Variants in HOMER1 observed in about 807,000 individuals in gnomAD.
The protein encoded by HOMER1 is homer scaffold protein 1.
HOMER1 carries 3 observed loss-of-function variants against 48.9 expected under a neutral mutation model. The ratio of observed to expected loss-of-function variants is 0.06; its 90% CI spans 0.03 to 0.16. The LOEUF is 0.16. Among genes scored for constraint, HOMER1 ranks in the 10% least tolerant of loss-of-function variants. The pLI, the probability that HOMER1 is intolerant of heterozygous loss-of-function variation, is 1.00. For missense variants in HOMER1, 247 were observed against 411.4 expected, an observed-to-expected ratio of 0.60 and a Z score of 3.46; for synonymous variants, 134 against 146.4, an observed-to-expected ratio of 0.92 and a Z score of 0.61.
chr5:79,448,755 G>A (rs1750952984), intron 3 of HOMER1, among the ~76,000 whole-genome samples: 1 of 152,008 alleles, frequency 6.6e-6, no homozygotes, highest in Non-Finnish European at 1.5e-5. Context: ...AGTCTACAAG[G>A]TAGCCTGAAA....
chr5:79,494,536 T>C (rs1437251017), intron 1 of HOMER1, among the ~76,000 whole-genome samples: 20 of 152,234 alleles, frequency 1.3e-4, no homozygotes, highest in Non-Finnish European at 1.5e-5. Flanking sequence ...GCCATTACTC[T>C]TGACTAAATT....
In HOMER1 at chr5:79,469,668, CTTT is replaced by C. The variant is rs145934231; in HGVS notation, c.6-12653_6-12651del. On this transcript the variant is annotated intron_variant, in intron 1 of 8. Transcript: ENST00000334082. ...TAATTAAATGTGACTTATAATTTGC[CTTT>C]TTTTTTTATTTTTAAGAGATGGGGT... is the stretch of plus-strand genomic sequence containing the variant. Among the ~76,000 whole-genome samples the C allele has an allele frequency of 4.8e-4, 71 of 149,090 alleles. 3 individuals carry two copies. In the East Asian group the frequency reaches 0.012, roughly 24 times the overall value.
chr5:79,455,039 C>T (rs1751132378), intron 2 of HOMER1, among the ~76,000 whole-genome samples: 1 of 151,958 alleles, frequency 6.6e-6, no homozygotes, highest in African/African-American at 2.4e-5. Context: ...CAGCTTTGAC[C>T]TCCTTAGCTC....
At chr5:79,497,569 G>A (rs1448579442) in intron 1 of HOMER1, among the ~76,000 whole-genome samples, 1 of 151,566 alleles carries the variant, frequency 6.6e-6, no homozygotes, top group Non-Finnish European at 1.5e-5. Context: ...GGGGACTGAG[G>A]CAGGAGAATC....
intron 8 of HOMER1, among the ~76,000 whole-genome samples, chr5:79,377,964 C>T (rs926366214): frequency 2.0e-5 from 3 of 152,080 alleles, no homozygotes; most frequent in Admixed American, 2.0e-4. Flanking sequence ...GCAAGGCTCA[C>T]GCCTTTAATC....
At chr5:79,450,421 G>A (rs1053171253) in intron 3 of HOMER1, among the ~76,000 whole-genome samples, 1 of 152,134 alleles carries the variant, frequency 6.6e-6, no homozygotes, top group Non-Finnish European at 1.5e-5. Flanking sequence ...TATTTAGCCT[G>A]GTGATGCTTT....
chr5:79,512,904 T>C lies in HOMER1; in HGVS notation c.-130A>G, dbSNP rs1465592889. ...CCCCCAGATCCTTGTCCGGAGGTAT[T>C]TCAAGGATGCTGCCAATTCAATTAG... On this transcript the variant is annotated 5_prime_UTR_variant, in exon 1 of 9. Coordinates refer to ENST00000334082, the MANE Select transcript of HOMER1 (RefSeq NM_004272.5). 1.3e-6 allele frequency: 1 copy of C among 794,094 alleles called. No homozygotes were observed. 49.2% of individuals were successfully genotyped at this position (794,094 alleles called of 1,614,324 possible).
At chr5:79,467,162 G>A (rs1751489142) in intron 1 of HOMER1, among the ~76,000 whole-genome samples, 1 of 152,046 alleles carries the variant, frequency 6.6e-6, no homozygotes, top group Non-Finnish European at 1.5e-5. Flanking sequence ...ACTTTGGGAA[G>A]CTAAGGCGGG....
intron 1 of HOMER1, chr5:79,510,882 A>G: frequency 2.9e-6 from 2 of 686,122 alleles, no homozygotes; most frequent in Middle Eastern, 4.2e-4. Flanking sequence ...AGGCCCCTAC[A>G]GAGGCTTCAG....
chr5:79,487,418 C>G (rs1218932921), intron 1 of HOMER1, among the ~76,000 whole-genome samples: 3 of 152,170 alleles, frequency 2.0e-5, no homozygotes, highest in African/African-American at 7.2e-5. Flanking sequence ...TGTAACGCAA[C>G]AGGCAAGAAG....
chr5:79,476,944 T>C (rs894584560), intron 1 of HOMER1, among the ~76,000 whole-genome samples: 1 of 152,176 alleles, frequency 6.6e-6, no homozygotes, highest in African/African-American at 2.4e-5. Context: ...ACATTCCTTC[T>C]CTAGAGTATG....
At chr5:79,460,892 T>C (rs187483193) in intron 1 of HOMER1, among the ~76,000 whole-genome samples, 1 of 152,304 alleles carries the variant, frequency 6.6e-6, no homozygotes, top group East Asian at 1.9e-4. Context: ...GTTTCTACTT[T>C]GGGTAACTGA....
At chr5:79,452,808 T>C (rs1171113444) in intron 2 of HOMER1, among the ~76,000 whole-genome samples, 1 of 152,196 alleles carries the variant, frequency 6.6e-6, no homozygotes, top group Non-Finnish European at 1.5e-5. Context: ...AATTTACATA[T>C]TCATACTTAT....
Position 79,513,130 on chromosome 5 carries a change from GTCC to G in HOMER1, c.-359_-357del, listed in dbSNP as rs886721840. The G allele has an allele frequency of 3.9e-4, 108 of 280,256 alleles. No homozygotes were observed. The highest frequency in any genetic ancestry group is 2.3e-3 in the African/African-American group (104 of 44,688). 17.4% of individuals were successfully genotyped at this position (280,256 alleles called of 1,614,324 possible). ...TGAGTTCGCTGGTCATTTCACTCAT[GTCC>G]TCCTCGACACTCAGGGAGAGCCAGG... is the stretch of plus-strand genomic sequence containing the variant. On this transcript the variant is annotated 5_prime_UTR_variant, in exon 1 of 9. Transcript: ENST00000334082.
At chr5:79,494,317 T>C (rs1248427781) in intron 1 of HOMER1, among the ~76,000 whole-genome samples, 1 of 152,248 alleles carries the variant, frequency 6.6e-6, no homozygotes, top group Non-Finnish European at 1.5e-5. Flanking sequence ...CCCACGGGGC[T>C]GACGACAAAT....
intron 4 of HOMER1, 73 bp from the exon 5 acceptor site, chr5:79,439,222 A>C: frequency 6.8e-7 from 1 of 1,476,706 alleles, no homozygotes; most frequent in South Asian, 1.2e-5. Context: ...CTTGAGGTTA[A>C]AACTGCCTTT....
intron 1 of HOMER1, among the ~76,000 whole-genome samples, chr5:79,460,161 T>G (rs1751279769): frequency 6.6e-6 from 1 of 152,268 alleles, no homozygotes; most frequent in Non-Finnish European, 1.5e-5. Context: ...AGCTCCAGCT[T>G]TGCATTTTAG....
chr5:79,447,678 C>G (rs2112288643), intron 3 of HOMER1, among the ~76,000 whole-genome samples: 1 of 152,148 alleles, frequency 6.6e-6, no homozygotes, highest in South Asian at 2.1e-4. Flanking sequence ...TCCGAAGATT[C>G]CTAAATAGCT....
At chr5:79,411,383 A>G (rs1004909051) in intron 5 of HOMER1, among the ~76,000 whole-genome samples, 1 of 152,028 alleles carries the variant, frequency 6.6e-6, no homozygotes, top group African/African-American at 2.4e-5. Flanking sequence ...TACCTGTGGG[A>G]CTAAGGCAAG....
Sources: allele counts gnomAD v4.1 joint callset (sites outside exome capture counted in the v4.1 genomes callset), GRCh38; gene constraint gnomAD v4.1.1; transcripts MANE v1.5; gene names NCBI Gene and HGNC (gene_info 2026-07-23, HGNC 2026-07-21).